Variants in EPS15 observed in about 807,000 individuals in gnomAD.
The protein encoded by EPS15 is epidermal growth factor receptor substrate 15.
A neutral mutation model predicts 113.8 loss-of-function variants in EPS15; 72 were observed. That is an observed-to-expected ratio of 0.63 (90% CI 0.52 to 0.77). EPS15 has a LOEUF of 0.77. EPS15 is among the 30% of genes least tolerant of loss of function. The pLI is 0.00. For missense variants in EPS15, 1,048 were observed against 1,045.8 expected (o/e 1.00, Z -0.03); for synonymous variants, 344 against 363.4 (o/e 0.95, Z 0.61).
In EPS15 at chr1:51,472,848, A is replaced by G; in HGVS notation, c.165+11T>C. The G allele has an allele frequency of 6.3e-7, 1 of 1,597,630 alleles. No individual in the cohort carries two copies. Among genetic ancestry groups the G allele is most frequent in the Non-Finnish European group, 8.6e-7 (1 of 1,165,190 alleles). On this transcript the variant is annotated intron_variant, in intron 3 of 24. Transcript: ENST00000371733. ...CAAACTTATAATCTAGTTATAATGAACGAATACTACCTTTCCAAGTATCAA... is the reference window on the plus strand; with the variant it reads ...CAAACTTATAATCTAGTTATAATGAGCGAATACTACCTTTCCAAGTATCAA...
intron 21 of EPS15, among the ~76,000 whole-genome samples, chr1:51,371,002 A>G (rs1295426535): frequency 6.6e-6 from 1 of 150,858 alleles, no homozygotes; most frequent in Non-Finnish European, 1.5e-5. Flanking sequence ...TGCAACTTCC[A>G]CCTCCCGGGT....
chr1:51,407,191 C>CT (rs1412501583), intron 15 of EPS15, among the ~76,000 whole-genome samples: 26 of 148,004 alleles, frequency 1.8e-4, no homozygotes, highest in South Asian at 4.3e-4. Flanking sequence ...TGTTTCTATC[C>CT]TTTTTTTTTT....
intron 24 of EPS15, among the ~76,000 whole-genome samples, chr1:51,360,492 T>C (rs925416712): frequency 3.3e-5 from 5 of 152,202 alleles, no homozygotes; most frequent in Non-Finnish European, 5.9e-5. Context: ...ATGGCACCCT[T>C]CCACTGTTTC....
rs1646448022 is a variant in EPS15, at chr1:51,363,974, C to T, written c.2251G>A (p.Val751Met). Reference protein sequence around the residue: ...SATSSSVSNVVITKNVFEETS... With the variant: ...SATSSSVSNVMITKNVFEETS... ...TCCTCAAATACATTTTTTGTAATCACTACGTTGCTGACAGAGCTCGATGTG... is the reference window on the plus strand; with the variant it reads ...TCCTCAAATACATTTTTTGTAATCATTACGTTGCTGACAGAGCTCGATGTG... The change falls in exon 23 of 25, where the codon GTG becomes ATG. Residue 751 changes from valine to methionine, a missense_variant. By Grantham distance (21) the Val-to-Met change is conservative. Coordinates refer to ENST00000371733, the MANE Select transcript of EPS15 (RefSeq NM_001981.3). The T allele has an allele frequency of 6.2e-7, 1 of 1,613,738 alleles. No individual in the cohort carries two copies. The highest frequency in any genetic ancestry group is 1.7e-5 in the Admixed American group (1 of 59,964).
chr1:51,495,624 A>G (rs1325937072), intron 1 of EPS15, among the ~76,000 whole-genome samples: 1 of 152,092 alleles, frequency 6.6e-6, no homozygotes, highest in Non-Finnish European at 1.5e-5. Context: ...AAGAAAACAT[A>G]TATTTTCAGC....
chr1:51,486,390 A>G (rs772323182), intron 1 of EPS15, among the ~76,000 whole-genome samples: 2 of 144,732 alleles, frequency 1.4e-5, no homozygotes, highest in Non-Finnish European at 3.0e-5. Context: ...GTGCCATTGC[A>G]CTCCAGCCTG....
chr1:51,385,243 A>G (rs990408889), intron 21 of EPS15, among the ~76,000 whole-genome samples: 1 of 152,250 alleles, frequency 6.6e-6, no homozygotes, highest in Non-Finnish European at 1.5e-5. Context: ...AACCTGATTT[A>G]GAAATGGGCA....
At chr1:51,393,356 C>T (rs959049530) in intron 21 of EPS15, among the ~76,000 whole-genome samples, 3 of 152,160 alleles carry the variant, frequency 2.0e-5, no homozygotes, top group African/African-American at 4.8e-5. Flanking sequence ...ATTATAGGCA[C>T]CCACCACCAT....
At chr1:51,488,472 T>TAAA (rs71063033) in intron 1 of EPS15, among the ~76,000 whole-genome samples, 255 of 85,210 alleles carry the variant, frequency 3.0e-3, no homozygotes, top group African/African-American at 7.9e-3. Context: ...TAAAGTTTTG[T>TAAA]AAAAAAAAAA....
At position 51,361,313 on chromosome 1, in the gene EPS15, T is replaced by G; in HGVS notation, c.2402A>C (p.Lys801Thr). 6.2e-7 allele frequency: 1 copy of G among 1,613,998 alleles called. No individual in the cohort carries two copies. Among genetic ancestry groups the G allele is most frequent in the Non-Finnish European group, 8.5e-7 (1 of 1,179,908 alleles). Residue 801 changes from lysine (K) to threonine (T), a missense_variant, in exon 24 of 25, where the codon AAA (lysine) becomes ACA (threonine). Transcript: ENST00000371733. The part of the protein sequence containing the change: ...INKLDSPDPF[K>T]LNDPFQPFPG... ...GAAAGGCTGAAATGGATCATTCAGTTTAAAGGGATCAGGAGAATCCAATTT... is the reference window on the plus strand; with the variant it reads ...GAAAGGCTGAAATGGATCATTCAGTGTAAAGGGATCAGGAGAATCCAATTT...
At chr1:51,421,899 C>A in intron 12 of EPS15, 41 bp from the exon 13 acceptor site, 1 of 1,608,872 alleles carries the variant, frequency 6.2e-7, no homozygotes, top group Non-Finnish European at 8.5e-7. Context: ...TTTAGAACAT[C>A]AGCTACAGCT....
chr1:51,492,410 A>T (rs543024199), intron 1 of EPS15, among the ~76,000 whole-genome samples: 9 of 152,278 alleles, frequency 5.9e-5, no homozygotes, highest in South Asian at 2.1e-4. Context: ...AAATCCAGAT[A>T]AAAAAATATA....
intron 2 of EPS15, among the ~76,000 whole-genome samples, chr1:51,474,895 T>C (rs961480521): frequency 1.4e-5 from 2 of 140,206 alleles, no homozygotes; most frequent in African/African-American, 5.3e-5. Flanking sequence ...AGTGTTTTCA[T>C]TGTTCAATTC....
At chr1:51,376,104 T>C (rs568654666) in intron 21 of EPS15, among the ~76,000 whole-genome samples, 2 of 152,320 alleles carry the variant, frequency 1.3e-5, no homozygotes, top group Non-Finnish European at 2.9e-5. Flanking sequence ...CTGTCATAGC[T>C]AAAGAGAAGT....
chr1:51,413,634 C>A (rs1262334794), intron 13 of EPS15, among the ~76,000 whole-genome samples: 1 of 152,138 alleles, frequency 6.6e-6, no homozygotes, highest in African/African-American at 2.4e-5. Context: ...TAAAATAATA[C>A]CTACATTTCT....
chr1:51,518,734 C>T (rs2148577224), intron 1 of EPS15, among the ~76,000 whole-genome samples: 1 of 152,168 alleles, frequency 6.6e-6, no homozygotes, highest in South Asian at 2.1e-4. Flanking sequence ...GCAACTCCTA[C>T]TGGGGGCGGC....
chr1:51,422,098 A>G, intron 12 of EPS15: 3 of 1,148,314 alleles, frequency 2.6e-6, no homozygotes, highest in Non-Finnish European at 3.3e-6. Flanking sequence ...GATAGATTAA[A>G]AAAGGAAGAG....
intron 21 of EPS15, chr1:51,372,316 G>T (rs1374437721): frequency 1.1e-5 from 6 of 526,006 alleles, no homozygotes; most frequent in Non-Finnish European, 2.3e-5. Flanking sequence ...GTGCTGCTCA[G>T]TGTGGTGGAT....
intron 1 of EPS15, among the ~76,000 whole-genome samples, chr1:51,509,746 T>C (rs537101705): frequency 3.9e-5 from 6 of 152,336 alleles, no homozygotes; most frequent in African/African-American, 1.4e-4. Context: ...CTACAAAAAC[T>C]TTCCACTATA....
Sources: gnomAD v4.1 joint callset for allele counts (sites outside exome capture counted in the v4.1 genomes callset) on GRCh38, gnomAD v4.1.1 for gene constraint, MANE v1.5 for transcripts, NCBI Gene and HGNC (gene_info 2026-07-23, HGNC 2026-07-21) for gene names.